The following RERG variants were observed in gnomAD, a reference collection of about 807,000 sequenced individuals.
The protein encoded by RERG is RAS like estrogen regulated growth inhibitor.
In RERG, 25 loss-of-function variants were observed where a neutral mutation model predicts 23.2. The ratio of observed to expected loss-of-function variants is 1.08; its 90% CI spans 0.79 to 1.50. RERG has a LOEUF of 1.50. Ranked by LOEUF, RERG falls within the 40% of genes most tolerant of loss-of-function variation. The pLI is 0.00. For missense variants in RERG, 253 were observed against 250.1 expected (o/e 1.01, Z -0.08); for synonymous variants, 81 against 89.1 (o/e 0.91, Z 0.51).
intron 2 of RERG, among the ~76,000 whole-genome samples, chr12:15,125,743 A>G (rs899860795): frequency 3.9e-5 from 6 of 152,076 alleles, no homozygotes. Flanking sequence ...CCTCAATTTA[A>G]ATAATATTTT....
intron 2 of RERG, among the ~76,000 whole-genome samples, chr12:15,208,501 T>G (rs1865322964): frequency 6.6e-6 from 1 of 152,186 alleles, no homozygotes; most frequent in African/African-American, 2.4e-5. Context: ...AATTTTTCAT[T>G]TATTTATTAA....
chr12:15,172,880 C>G (rs1007851373), intron 2 of RERG, among the ~76,000 whole-genome samples: 6 of 151,810 alleles, frequency 4.0e-5, no homozygotes, highest in Non-Finnish European at 8.8e-5. Context: ...GCTACAAATC[C>G]CTTCTCATAT....
At chr12:15,126,961 G>T (rs1283246860) in intron 2 of RERG, among the ~76,000 whole-genome samples, 1 of 151,804 alleles carries the variant, frequency 6.6e-6, no homozygotes, top group Admixed American at 6.6e-5. Context: ...CTTGTGATCC[G>T]CCCGCTTCAG....
chr12:15,130,616 A>G (rs1864029485), intron 2 of RERG, among the ~76,000 whole-genome samples: 1 of 152,220 alleles, frequency 6.6e-6, no homozygotes, highest in African/African-American at 2.4e-5. Context: ...TTTAATGGAA[A>G]TTTAAAATGA....
intron 2 of RERG, among the ~76,000 whole-genome samples, chr12:15,198,422 T>C (rs1565535365): frequency 1.3e-5 from 2 of 152,154 alleles, no homozygotes; most frequent in African/African-American, 2.4e-5. Context: ...AGTTTCCAAA[T>C]GCTATTTTGA....
At chr12:15,211,144 T>A (rs1414424141) in intron 2 of RERG, among the ~76,000 whole-genome samples, 2 of 152,150 alleles carry the variant, frequency 1.3e-5, no homozygotes, top group Non-Finnish European at 2.9e-5. Context: ...TTGATTAATG[T>A]TTTTAGCAAA....
At chr12:15,117,409 G>A (rs922979808) in intron 3 of RERG, among the ~76,000 whole-genome samples, 1 of 152,078 alleles carries the variant, frequency 6.6e-6, no homozygotes, top group African/African-American at 2.4e-5. Context: ...AAGCACTTCT[G>A]CTTTAGAATC....
chr12:15,125,110 G>A (rs780256743), intron 2 of RERG, among the ~76,000 whole-genome samples: 20 of 151,932 alleles, frequency 1.3e-4, no homozygotes, highest in Non-Finnish European at 2.2e-4. Context: ...CCTATAAGTT[G>A]TATAATCACG....
chr12:15,219,433 TG>T (rs1423255723), intron 1 of RERG, among the ~76,000 whole-genome samples: 5 of 152,358 alleles, frequency 3.3e-5, no homozygotes, highest in Non-Finnish European at 7.3e-5. Flanking sequence ...CATTAGCTAT[TG>T]TTTACTTCAT....
At chr12:15,113,256 T>C (rs577080411) in intron 3 of RERG, among the ~76,000 whole-genome samples, 1 of 151,738 alleles carries the variant, frequency 6.6e-6, no homozygotes, top group Non-Finnish European at 1.5e-5. Context: ...CTCAATAAAT[T>C]AGAAGAGAAG....
At chr12:15,202,216 A>G (rs1865226950) in intron 2 of RERG, among the ~76,000 whole-genome samples, 1 of 151,836 alleles carries the variant, frequency 6.6e-6, no homozygotes, top group Non-Finnish European at 1.5e-5. Context: ...AATTAAGGGT[A>G]ATAAAAGTAT....
At chr12:15,143,076 C>T (rs541724394) in intron 2 of RERG, among the ~76,000 whole-genome samples, 1 of 152,240 alleles carries the variant, frequency 6.6e-6, no homozygotes, top group South Asian at 2.1e-4. Context: ...CTGTCTGAAG[C>T]TCTGCTGGAG....
chr12:15,197,029 T>A (rs1446924515), intron 2 of RERG, among the ~76,000 whole-genome samples: 1 of 152,200 alleles, frequency 6.6e-6, no homozygotes, highest in African/African-American at 2.4e-5. Context: ...TTATTACGTG[T>A]CAGGCAATGT....
At chr12:15,118,740 G>GT (rs1208354187) in intron 3 of RERG, among the ~76,000 whole-genome samples, 1 of 151,502 alleles carries the variant, frequency 6.6e-6, no homozygotes, top group African/African-American at 2.4e-5. Flanking sequence ...GTCATGCCAC[G>GT]TAAGATGCCT....
intron 2 of RERG, among the ~76,000 whole-genome samples, chr12:15,168,684 T>C (rs1159225939): frequency 2.0e-5 from 3 of 152,190 alleles, no homozygotes; most frequent in Non-Finnish European, 4.4e-5. Context: ...GGTTCCTACT[T>C]GAAGACTGAT....
At chr12:15,210,315 T>G (rs1043644004) in intron 2 of RERG, among the ~76,000 whole-genome samples, 1 of 152,214 alleles carries the variant, frequency 6.6e-6, no homozygotes, top group Admixed American at 6.5e-5. Flanking sequence ...TACAGAAACA[T>G]TGCAATGAAT....
At position 15,208,452 on chromosome 12, in the gene RERG, A is replaced by G. The variant is rs575570625; in HGVS notation, c.61+8977T>C. Among the ~76,000 whole-genome samples, 209 of 152,320 alleles carry G rather than the reference A, an allele frequency of 1.4e-3. 1 individual carries two copies. Among genetic ancestry groups the G allele is most frequent in the Non-Finnish European group, 1.3e-3 (88 of 68,028 alleles). Reference sequence around the variant, plus strand: ...AATATATGACCCTTGATATAATTTTAAAGCACGTGTGGCAAACTAGACAAC... The same window carrying G: ...AATATATGACCCTTGATATAATTTTGAAGCACGTGTGGCAAACTAGACAAC... On this transcript the variant is annotated intron_variant, in intron 2 of 4. Transcript: ENST00000256953.
At chr12:15,119,279 C>G (rs1443965085) in intron 3 of RERG, among the ~76,000 whole-genome samples, 1 of 152,038 alleles carries the variant, frequency 6.6e-6, no homozygotes, top group Non-Finnish European at 1.5e-5. Flanking sequence ...AGGCAGATTA[C>G]TATTAATAGC....
At chr12:15,118,200 A>G (rs1863766138) in intron 3 of RERG, among the ~76,000 whole-genome samples, 1 of 152,140 alleles carries the variant, frequency 6.6e-6, no homozygotes, top group African/African-American at 2.4e-5. Flanking sequence ...TTTCTCCATA[A>G]AAATCAAATT....
Sources: gnomAD v4.1 joint callset for allele counts (sites outside exome capture counted in the v4.1 genomes callset) on GRCh38, gnomAD v4.1.1 for gene constraint, MANE v1.5 for transcripts, NCBI Gene and HGNC (gene_info 2026-07-23, HGNC 2026-07-21) for gene names.